The following GTPBP4 variants were observed in gnomAD, a reference collection of about 807,000 sequenced individuals.
GTPBP4 encodes GTP-binding protein 4.
A neutral mutation model predicts 81.7 loss-of-function variants in GTPBP4; 15 were observed. That is an observed-to-expected ratio of 0.18 (90% CI 0.12 to 0.28). GTPBP4 has a LOEUF of 0.28. Among genes scored for constraint, GTPBP4 ranks in the 10% least tolerant of loss-of-function variants. The pLI is 1.00. For missense variants in GTPBP4, 847 were observed against 793.8 expected (o/e 1.07, Z -0.81); for synonymous variants, 272 against 274.6 (o/e 0.99, Z 0.09).
chr10:994,328 G>T (rs1191814251), intron 2 of GTPBP4, among the ~76,000 whole-genome samples: 2 of 151,642 alleles, frequency 1.3e-5, no homozygotes, highest in Non-Finnish European at 2.9e-5. Context: ...GAGTAAAATG[G>T]CGTGATCTCA....
chr10:995,573 T>C (rs965707375), intron 2 of GTPBP4, among the ~76,000 whole-genome samples: 1 of 152,068 alleles, frequency 6.6e-6, no homozygotes, highest in African/African-American at 2.4e-5. Flanking sequence ...GATTGAGAAA[T>C]AACAGCAAAT....
At chr10:1,006,325 G>C (rs535577122) in intron 9 of GTPBP4, among the ~76,000 whole-genome samples, 156 of 152,340 alleles carry the variant, frequency 1.0e-3, no homozygotes, top group African/African-American at 3.7e-3. Flanking sequence ...TGTATTTCAT[G>C]TTGTTTTTAT....
At position 1,004,880 on chromosome 10, in the gene GTPBP4, C is replaced by T. The variant is rs1227411517; in HGVS notation, c.913-938C>T. Reference sequence around the variant, plus strand: ...CCCTGAGCAAGACATACTCCAGCCGCAGTTCCAGTCCCAAGATGATGGAGT... The same window carrying T: ...CCCTGAGCAAGACATACTCCAGCCGTAGTTCCAGTCCCAAGATGATGGAGT... On this transcript the variant is annotated intron_variant, in intron 8 of 16. Transcript: ENST00000360803. 2.0e-5 allele frequency among the ~76,000 whole-genome samples: 3 copies of T among 152,306 alleles called. No homozygotes were observed. The East Asian group carries it at 5.8e-4, about 29-fold the overall frequency.
In GTPBP4 at chr10:996,210, G is replaced by A. The variant is rs1036560174; in HGVS notation, c.428G>A (p.Arg143Lys). 1.9e-6 allele frequency: 3 copies of A among 1,613,804 alleles called. No individual in the cohort carries two copies. Among genetic ancestry groups the A allele is most frequent in the East Asian group, 2.2e-5 (1 of 44,880 alleles). The change falls in exon 4 of 17, where the codon AGG becomes AAG. Residue 143 changes from arginine to lysine, a missense_variant. Arg to Lys is a conservative substitution (Grantham distance 26). Transcript: ENST00000360803. ...ALGRMCTVIK[R>K]QKQSLEYLEQ... ...GGACGGATGTGCACAGTGATCAAGA[G>A]GCAGAAGCAGAGTTTGGAGTATTTG...
At position 1,015,018 on chromosome 10, in the gene GTPBP4, A is replaced by C. The variant is rs532811565; in HGVS notation, c.1608+706A>C. On this transcript the variant is annotated intron_variant, in intron 15 of 16. Transcript: ENST00000360803. Reference sequence around the variant, plus strand: ...CTGATGGTTGTCCCTTTGTGTTCATATCAGTAACCCCCAAAATGGGGCAGT... The same window carrying C: ...CTGATGGTTGTCCCTTTGTGTTCATCTCAGTAACCCCCAAAATGGGGCAGT... Among the ~76,000 whole-genome samples, 6 of 152,208 alleles carry C rather than the reference A, an allele frequency of 3.9e-5. No homozygotes were observed. In the South Asian group the frequency reaches 1.0e-3, roughly 26 times the overall value.
In GTPBP4 at chr10:1,008,994, C is replaced by T. The variant is rs757562227; in HGVS notation, c.1150C>T (p.Arg384Cys). The change falls in exon 11 of 17, where the codon CGC becomes TGC. Residue 384 changes from arginine (R) to cysteine (C), a missense_variant. By Grantham distance (180) the Arg-to-Cys change is radical (BLOSUM62 -3). Around this residue, in one of 3 missense-constraint regions of GTPBP4, gnomAD observed 600 missense variants for 557.1 expected, o/e 1.08. Transcript: ENST00000360803. ...PPFIPEGVVARRKRMETEESR... is the reference protein window; with the variant it reads ...PPFIPEGVVACRKRMETEESR... ...TTTCATCCCTGAAGGAGTGGTGGCT[C>T]GCAGGAAGAGGATGGAAACTGAGGA... The T allele has an allele frequency of 3.1e-5, 50 of 1,612,892 alleles. No homozygotes were observed. The highest frequency in any genetic ancestry group is 9.3e-5 in the African/African-American group (7 of 74,872).
intron 4 of GTPBP4, 145 bp downstream of exon 4, chr10:996,387 A>G: frequency 1.8e-6 from 1 of 560,384 alleles, no homozygotes; most frequent in Non-Finnish European, 3.0e-6. Context: ...GAGAAACAGT[A>G]ATAGGCTGGT....
chr10:996,363 C>G (rs1239852391), intron 4 of GTPBP4, 121 bp downstream of exon 4: 2 of 736,440 alleles, frequency 2.7e-6, no homozygotes, highest in African/African-American at 1.8e-5. Context: ...GTTATTCTTC[C>G]TAGCTTTACC....
intron 5 of GTPBP4, among the ~76,000 whole-genome samples, chr10:997,563 A>G (rs1462901181): frequency 6.6e-6 from 1 of 152,212 alleles, no homozygotes; most frequent in Non-Finnish European, 1.5e-5. Flanking sequence ...CTTTGTCTGT[A>G]TCTACATTTA....
At position 1,019,740 on chromosome 10, in the gene GTPBP4, A is replaced by T; in HGVS notation, c.*2513A>T. ...GTTCAGAGTGACGTTTTTCCTCACA[A>T]GCAGAAGGTAACAAATTTCATGCTC... On this transcript the variant is annotated 3_prime_UTR_variant, in exon 17 of 17. Coordinates refer to ENST00000360803, the MANE Select transcript of GTPBP4 (RefSeq NM_012341.3). 1 of 1,613,964 alleles carries T rather than the reference A, an allele frequency of 6.2e-7. No individual in the cohort carries two copies. The highest frequency in any genetic ancestry group is 1.3e-5 in the African/African-American group (1 of 74,996).
At position 996,041 on chromosome 10, in the gene GTPBP4, CT is replaced by C. The variant is rs763041600; in HGVS notation, c.323+15del. ...AAAAATTTAGTGGACAAGTAAGGTA[CT>C]TTTTTCTGTAGTGTCTTTTAAGTTA... On this transcript the variant is annotated intron_variant, in intron 3 of 16. Coordinates refer to ENST00000360803, the MANE Select transcript of GTPBP4 (RefSeq NM_012341.3). 8 of 1,594,258 alleles carry C rather than the reference CT, an allele frequency of 5.0e-6. No individual in the cohort carries two copies. Among genetic ancestry groups the C allele is most frequent in the Admixed American group, 3.3e-5 (2 of 59,798 alleles).
chr10:1,001,550 C>T (rs139437798), intron 8 of GTPBP4, among the ~76,000 whole-genome samples: 4 of 152,186 alleles, frequency 2.6e-5, no homozygotes, highest in Admixed American at 1.3e-4. Flanking sequence ...CTTTTAGAAG[C>T]GTGCACTGGT....
chr10:1,008,658 A>G (rs772848423), intron 10 of GTPBP4, among the ~76,000 whole-genome samples: 17 of 152,126 alleles, frequency 1.1e-4, no homozygotes, highest in Admixed American at 3.9e-4. Context: ...ATTTTTCATG[A>G]TAATCATGAT....
Position 1,009,596 on chromosome 10 carries a change from T to C in GTPBP4, c.1243+16T>C, listed in dbSNP as rs1162139759. The C allele has an allele frequency of 6.9e-7, 1 of 1,454,078 alleles. No homozygotes were observed. The highest frequency in any genetic ancestry group is 2.3e-5 in the East Asian group (1 of 44,192). The allele number at this position is 1,454,078 out of a possible 1,614,324, so 90.1% of individuals were successfully genotyped here. A position where few individuals can be genotyped will look rare whatever the true frequency, so the allele number is the denominator to read the frequency against. ...GATCTTCAGAGTAAGGGCCAGAGTGTGATCATTATTATAAAATGCCAATTG... is the reference window on the plus strand; with the variant it reads ...GATCTTCAGAGTAAGGGCCAGAGTGCGATCATTATTATAAAATGCCAATTG... On this transcript the variant is annotated intron_variant, in intron 12 of 16. Coordinates refer to ENST00000360803, the MANE Select transcript of GTPBP4 (RefSeq NM_012341.3).
At position 1,006,983 on chromosome 10, in the gene GTPBP4, C is replaced by T. The variant is rs200155523; in HGVS notation, c.1003-35C>T. On this transcript the variant is annotated intron_variant, in intron 9 of 16. Transcript: ENST00000360803. Reference sequence around the variant, plus strand: ...TGTAGCTGGAGGCTGCTGGAGGATGCGTTTGTGACTGTGCCTTCTTTTTTA... The same window carrying T: ...TGTAGCTGGAGGCTGCTGGAGGATGTGTTTGTGACTGTGCCTTCTTTTTTA... The T allele has an allele frequency of 2.1e-4, 273 of 1,287,776 alleles. No individual in the cohort carries two copies. The East Asian group carries it at 4.7e-3, about 22-fold the overall frequency. 79.8% of individuals were successfully genotyped at this position (1,287,776 alleles called of 1,614,324 possible).
intron 13 of GTPBP4, among the ~76,000 whole-genome samples, chr10:1,012,085 T>G (rs927619110): frequency 6.6e-6 from 1 of 152,206 alleles, no homozygotes; most frequent in Non-Finnish European, 1.5e-5. Flanking sequence ...GGGGTGACAT[T>G]AGAACGGACA....
intron 8 of GTPBP4, among the ~76,000 whole-genome samples, chr10:1,001,911 T>A (rs1831641241): frequency 7.0e-6 from 1 of 143,288 alleles, no homozygotes; most frequent in Non-Finnish European, 1.5e-5. Flanking sequence ...ACAGTGCACT[T>A]TTTTTTTTAT....
At chr10:1,009,973 C>T (rs4881553) in intron 12 of GTPBP4, among the ~76,000 whole-genome samples, 80,809 of 151,612 alleles carry the variant, frequency 0.53, 21,834 homozygotes, top group East Asian at 0.71. Flanking sequence ...CCAGCCTGGA[C>T]GACAGAGTGA....
chr10:994,797 A>G (rs1166681197), intron 2 of GTPBP4, among the ~76,000 whole-genome samples: 1 of 152,190 alleles, frequency 6.6e-6, no homozygotes, highest in Non-Finnish European at 1.5e-5. Flanking sequence ...TTCAGAGTGG[A>G]GGGTTAGATA....
Sources: allele counts gnomAD v4.1 joint callset (sites outside exome capture counted in the v4.1 genomes callset), GRCh38; gene constraint gnomAD v4.1.1; regional missense constraint gnomAD v4.1.1; transcripts MANE v1.5; gene names NCBI Gene and HGNC (gene_info 2026-07-23, HGNC 2026-07-21).